The following RAPGEF1 variants were observed in gnomAD, a reference collection of about 807,000 sequenced individuals.
RAPGEF1 encodes CRK SH3-binding GNRP.
RAPGEF1 carries 33 observed loss-of-function variants against 143.3 expected under a neutral mutation model. That is an observed-to-expected ratio of 0.23 (90% CI 0.17 to 0.31). The LOEUF (loss-of-function observed/expected upper bound fraction) is 0.31. Ranked by LOEUF, RAPGEF1 falls within the 10% of genes least tolerant of loss-of-function variation. The probability of loss-of-function intolerance (pLI) is 1.00; values close to 1 mark genes in which losing one functional copy is unlikely to be tolerated. For missense variants in RAPGEF1, 1,199 were observed against 1,645.4 expected (o/e 0.73, Z 4.69); for synonymous variants, 629 against 676.5 (o/e 0.93, Z 1.09).
At position 131,643,279 on chromosome 9, in the gene RAPGEF1, T is replaced by A. The variant is rs758043867; in HGVS notation, c.454A>T (p.Ile152Phe). ...GGATCGTTCTGCACCAGGGGTAAGA[T>A]GGCCTCCAGCACCTTGCTGGCTGAC... ...PGSASKVLEAILPLVQNDPRI... is the reference protein window; with the variant it reads ...PGSASKVLEAFLPLVQNDPRI... The change falls in exon 4 of 27, where the codon ATC (isoleucine) becomes TTC (phenylalanine). Residue 152 changes from isoleucine to phenylalanine, a missense_variant. This residue lies in a region of RAPGEF1 where 613 missense variants were observed against 710.9 expected (regional missense o/e 0.86). Transcript: ENST00000683357. The A allele has an allele frequency of 6.2e-7, 1 of 1,613,078 alleles. No individual in the cohort carries two copies.
intron 1 of RAPGEF1, among the ~76,000 whole-genome samples, chr9:131,736,170 C>T (rs1837401797): frequency 6.6e-6 from 1 of 152,300 alleles, no homozygotes; most frequent in East Asian, 1.9e-4. Flanking sequence ...CCTCTGAGCT[C>T]CTAGGGAAGA....
chr9:131,671,448 C>T (rs566596566), intron 1 of RAPGEF1, among the ~76,000 whole-genome samples: 2 of 152,374 alleles, frequency 1.3e-5, no homozygotes, highest in South Asian at 2.1e-4. Context: ...CTGGGCCCGC[C>T]CACAAAACTG....
rs1383152489 is a variant in RAPGEF1 at position 131,641,210 on chromosome 9, G to A, written c.494+2029C>T. On this transcript the variant is annotated intron_variant, in intron 4 of 26. Coordinates refer to ENST00000683357, the MANE Select transcript of RAPGEF1 (RefSeq NM_001377935.1). This position sits in a 1 kb window ranked among gnomAD's most constrained non-coding sequence, Gnocchi z 4.6. ...CTCTGGGTGTGAGGGTCCAGGGGAC[G>A]CTATCCTGGACTCTCCCAAAGAGGC... Among the ~76,000 whole-genome samples, 1 of 152,128 alleles carries A rather than the reference G, an allele frequency of 6.6e-6. No individual in the cohort carries two copies. The highest frequency in any genetic ancestry group is 1.5e-5 in the Non-Finnish European group (1 of 68,008).
chr9:131,619,541 T>C (rs1252901418), intron 11 of RAPGEF1, among the ~76,000 whole-genome samples: 1 of 152,174 alleles, frequency 6.6e-6, no homozygotes, highest in Non-Finnish European at 1.5e-5. Flanking sequence ...AGTGGATCCA[T>C]GTGTCATTCA....
chr9:131,582,971 GC>G (rs1952102215), intron 24 of RAPGEF1, among the ~76,000 whole-genome samples: 1 of 152,176 alleles, frequency 6.6e-6, no homozygotes, highest in African/African-American at 2.4e-5. Context: ...TACTCATTGT[GC>G]CTGGGCAGCC....
At chr9:131,703,544 C>T (rs959249263) in intron 1 of RAPGEF1, among the ~76,000 whole-genome samples, 1 of 152,124 alleles carries the variant, frequency 6.6e-6, no homozygotes, top group African/African-American at 2.4e-5. Flanking sequence ...ATGAAGTGGG[C>T]CCTATTTGCA....
Position 131,598,187 on chromosome 9 carries a change from G to A in RAPGEF1, c.2613+12C>T. On this transcript the variant is annotated intron_variant, in intron 16 of 26. Coordinates refer to ENST00000683357, the MANE Select transcript of RAPGEF1 (RefSeq NM_001377935.1). ...GGCCAGGCTGCAAAGCCCCAGCCCG[G>A]GAAGTTCTCACCTCCTGCTTGAGCG... 6.2e-7 allele frequency: 1 copy of A among 1,611,508 alleles called. No homozygotes were observed. The highest frequency in any genetic ancestry group is 8.5e-7 in the Non-Finnish European group (1 of 1,177,906).
rs749152518 is a variant in RAPGEF1 at position 131,650,980 on chromosome 9, T to C, written c.62-31A>G. On this transcript the variant is annotated intron_variant, in intron 1 of 26. Transcript: ENST00000683357. This position sits in a 1 kb window ranked among gnomAD's most constrained non-coding sequence, Gnocchi z 4.7. ...AACAAAGAGGGTACTGACTGTTAGA[T>C]GGGAGTGGGAAGAAGCGATGGTTCA... The C allele has an allele frequency of 1.9e-6, 3 of 1,607,646 alleles. No individual in the cohort carries two copies. Among genetic ancestry groups the C allele is most frequent in the Non-Finnish European group, 2.6e-6 (3 of 1,176,160 alleles).
Position 131,684,134 on chromosome 9 carries a change from A to G in RAPGEF1, c.62-33185T>C, listed in dbSNP as rs558392071. 1.4e-4 allele frequency among the ~76,000 whole-genome samples: 21 copies of G among 152,378 alleles called. No homozygotes were observed. The East Asian group carries it at 4.0e-3, about 29-fold the overall frequency. ...TTGTCCAGTGATGCCCAACTTGCCA[A>G]ATGGTACATTCTTCATCTTTTACAG... On this transcript the variant is annotated intron_variant, in intron 1 of 26. Coordinates refer to ENST00000683357, the MANE Select transcript of RAPGEF1 (RefSeq NM_001377935.1).
chr9:131,585,259 T>C (rs1453631567), intron 22 of RAPGEF1, among the ~76,000 whole-genome samples: 2 of 152,212 alleles, frequency 1.3e-5, no homozygotes, highest in African/African-American at 4.8e-5. Context: ...TATCTCACTG[T>C]AGTCTTGAAC....
At chr9:131,668,139 G>A (rs1830731077) in intron 1 of RAPGEF1, among the ~76,000 whole-genome samples, 1 of 152,172 alleles carries the variant, frequency 6.6e-6, no homozygotes, top group Admixed American at 6.5e-5. Context: ...AAAGCATGGA[G>A]ATGATGTCCA....
At position 131,584,761 on chromosome 9, in the gene RAPGEF1, C is replaced by T. The variant is rs1342759218; in HGVS notation, c.3234-165G>A. 5.9e-5 allele frequency among the ~76,000 whole-genome samples: 9 copies of T among 152,210 alleles called. No homozygotes were observed. Among genetic ancestry groups the T allele is most frequent in the Non-Finnish European group, 1.5e-5 (1 of 68,030 alleles). On this transcript the variant is annotated intron_variant, in intron 22 of 26. Coordinates refer to ENST00000683357, the MANE Select transcript of RAPGEF1 (RefSeq NM_001377935.1). This position sits in a 1 kb window ranked among gnomAD's most constrained non-coding sequence, Gnocchi z 6.8. Reference sequence around the variant, plus strand: ...CAGGCATAGATCTAGTTTCTGCTCTCCAGGAGCTCATAACATCCTGGGACA... The same window carrying T: ...CAGGCATAGATCTAGTTTCTGCTCTTCAGGAGCTCATAACATCCTGGGACA...
chr9:131,650,037 T>C lies in RAPGEF1; in HGVS notation c.315+92A>G, dbSNP rs1429048706. ...ACCACCCAGTTGAACATAATAATAG[T>C]GCAATAGAGTTTTTTCCATCCCCAA... is the stretch of plus-strand genomic sequence containing the variant. On this transcript the variant is annotated intron_variant, in intron 3 of 26. Coordinates refer to ENST00000683357, the MANE Select transcript of RAPGEF1 (RefSeq NM_001377935.1). The surrounding 1 kb of genome is among the most constrained non-coding windows in gnomAD (Gnocchi z 4.7). 3 of 1,003,596 alleles carry C rather than the reference T, an allele frequency of 3.0e-6. No individual in the cohort carries two copies. In the African/African-American group the frequency reaches 4.9e-5, roughly 16 times the overall value. 62.2% of individuals were successfully genotyped at this position (1,003,596 alleles called of 1,614,324 possible).
intron 1 of RAPGEF1, among the ~76,000 whole-genome samples, chr9:131,735,250 C>T (rs774636940): frequency 6.6e-6 from 1 of 152,192 alleles, no homozygotes; most frequent in African/African-American, 2.4e-5. Context: ...ACATGCAGTC[C>T]AAGGACCTTC....
intron 1 of RAPGEF1, among the ~76,000 whole-genome samples, chr9:131,728,656 G>A (rs750574797): frequency 6.6e-6 from 1 of 152,176 alleles, no homozygotes; most frequent in Non-Finnish European, 1.5e-5. Flanking sequence ...CTTAGAGAGA[G>A]AAAGAGAAAG....
At chr9:131,634,028 G>A (rs768827669) in intron 5 of RAPGEF1, among the ~76,000 whole-genome samples, 3 of 152,194 alleles carry the variant, frequency 2.0e-5, no homozygotes, top group South Asian at 2.1e-4. Context: ...TTGTGAGGCC[G>A]AGGCAAGTGA....
At chr9:131,613,026 C>T (rs1433655262) in intron 12 of RAPGEF1, among the ~76,000 whole-genome samples, 12 of 152,214 alleles carry the variant, frequency 7.9e-5, no homozygotes, top group Admixed American at 3.9e-4. Flanking sequence ...CCTGAGAAGA[C>T]GAACCGGAAC....
At chr9:131,714,673 T>C (rs1470609342) in intron 1 of RAPGEF1, among the ~76,000 whole-genome samples, 3 of 150,474 alleles carry the variant, frequency 2.0e-5, no homozygotes, top group African/African-American at 7.3e-5. Context: ...TGGGAGGCAC[T>C]CTTCTGTCTT....
intron 5 of RAPGEF1, among the ~76,000 whole-genome samples, chr9:131,637,082 G>C (rs1966561625): frequency 6.6e-6 from 1 of 152,070 alleles, no homozygotes; most frequent in Non-Finnish European, 1.5e-5. Flanking sequence ...AAAATTAGCT[G>C]GGTGTGGTGG....
Sources: allele counts gnomAD v4.1 joint callset (sites outside exome capture counted in the v4.1 genomes callset), GRCh38; gene constraint gnomAD v4.1.1; regional missense constraint gnomAD v4.1.1; non-coding constraint Gnocchi (gnomAD v3.1); transcripts MANE v1.5; gene names NCBI Gene and HGNC (gene_info 2026-07-23, HGNC 2026-07-21).